The following CTNND1 variants were observed in gnomAD, a reference collection of about 807,000 sequenced individuals.
The protein encoded by CTNND1 is catenin delta 1.
CTNND1 carries 16 observed loss-of-function variants against 112.1 expected under a neutral mutation model. The ratio of observed to expected loss-of-function variants is 0.14; its 90% CI spans 0.10 to 0.22. The LOEUF is 0.22. Among genes scored for constraint, CTNND1 ranks in the 10% least tolerant of loss-of-function variants. The pLI is 1.00. For missense variants in CTNND1, 1,008 were observed against 1,257.0 expected (o/e 0.80, Z 3.00); for synonymous variants, 420 against 446.5 (o/e 0.94, Z 0.75).
intron 1 of CTNND1, among the ~76,000 whole-genome samples, chr11:57,768,463 G>T (rs1951689706): frequency 7.4e-6 from 1 of 135,958 alleles, no homozygotes; most frequent in Non-Finnish European, 1.5e-5. Flanking sequence ...GCGCGATCTC[G>T]GCTCACTGCA....
Position 57,802,214 on chromosome 11 carries a change from G to A in CTNND1, c.1420+18G>A. The A allele has an allele frequency of 6.3e-7, 1 of 1,580,528 alleles. No homozygotes were observed. Among genetic ancestry groups the A allele is most frequent in the Non-Finnish European group, 8.6e-7 (1 of 1,160,642 alleles). ...TATTACCGGTGAGTTCTAGGCCTAA[G>A]GAAAATTGCTAAGTCAGTGTTACTC... On this transcript the variant is annotated intron_variant, in intron 7 of 20. Transcript: ENST00000399050.
Position 57,818,239 on chromosome 11 carries a change from C to G in CTNND1, c.*1931C>G, listed in dbSNP as rs2064078562. 6.6e-6 allele frequency: 1 copy of G among 151,756 alleles called. No individual in the cohort carries two copies. The highest frequency in any genetic ancestry group is 1.5e-5 in the Non-Finnish European group (1 of 67,856). The allele number at this position is 151,756 out of a possible 1,614,324, so 9.4% of individuals were successfully genotyped here. On this transcript the variant is annotated 3_prime_UTR_variant, in exon 21 of 21. Transcript: ENST00000399050. ...GTGTGGGTAATAGAACAGCCGTGGG[C>G]TTTTGGGGACCTTTAACTTTTTTTT...
intron 1 of CTNND1, among the ~76,000 whole-genome samples, chr11:57,771,743 T>C (rs1591186334): frequency 6.6e-6 from 1 of 152,310 alleles, no homozygotes; most frequent in South Asian, 2.1e-4. Context: ...TTCTTGTAAC[T>C]TGAGGTAGCA....
chr11:57,809,415 A>G lies in CTNND1; in HGVS notation c.2384A>G (p.Lys795Arg). ...GCTGAGAACTTGGAGGCTGCCAAAA[A>G]GCTTCGAGAGACACAGGGTATTGAG... ...VIAENLEAAKKLRETQGIEKL... is the reference protein window; with the variant it reads ...VIAENLEAAKRLRETQGIEKL... The change falls in exon 15 of 21, where the codon AAG (lysine) becomes AGG (arginine). Residue 795 changes from lysine (K) to arginine (R), a missense_variant. Coordinates refer to ENST00000399050, the MANE Select transcript of CTNND1 (RefSeq NM_001085458.2). 6.2e-7 allele frequency: 1 copy of G among 1,613,836 alleles called. No individual in the cohort carries two copies.
intron 1 of CTNND1, among the ~76,000 whole-genome samples, chr11:57,765,460 A>ATTTTTTTTTTTTTTTTTTTTTTTTTT (rs5792061): frequency 9.5e-6 from 1 of 105,600 alleles, no homozygotes; most frequent in African/African-American, 3.5e-5. Context: ...TCCTCCCTTA[A>ATTTTTTTTTTTTTTTTTTTTTTTTTT]TTTTTTTTTT....
chr11:57,762,148 A>G (rs1949980595), intron 1 of CTNND1, 29 bp downstream of exon 1: 1 of 947,600 alleles, frequency 1.1e-6, no homozygotes, highest in African/African-American at 1.8e-5. Context: ...AAAACGGGAG[A>G]GTCTGTTATG....
intron 1 of CTNND1, among the ~76,000 whole-genome samples, chr11:57,786,339 C>T (rs1445251528): frequency 1.3e-5 from 2 of 152,120 alleles, no homozygotes; most frequent in Non-Finnish European, 1.5e-5. Flanking sequence ...CGAGACCATC[C>T]TGGCTGACAC....
rs1161264030 is a variant in CTNND1 at position 57,791,499 on chromosome 11, G to A, written c.21G>A (p.Glu7=). 6.4e-7 allele frequency: 1 copy of A among 1,560,386 alleles called. No homozygotes were observed. Among genetic ancestry groups the A allele is most frequent in the East Asian group, 2.4e-5 (1 of 41,546 alleles). The change falls in exon 3 of 21, where the codon GAG becomes GAA. Residue 7 remains glutamate, a synonymous_variant. Coordinates refer to ENST00000399050, the MANE Select transcript of CTNND1 (RefSeq NM_001085458.2). ...CCTTCATGGACGACTCAGAGGTGGA[G>A]TCGACCGCCAGCATCTTGGCCTCTG... MDDSEV[E]STASILASVK...
chr11:57,806,818 C>A lies in CTNND1; in HGVS notation c.1895-97C>A. The A allele has an allele frequency of 3.8e-6, 4 of 1,066,238 alleles. No homozygotes were observed. The South Asian group carries it at 4.2e-5, about 11-fold the overall frequency. The allele number at this position is 1,066,238 out of a possible 1,614,324, so 66.0% of individuals were successfully genotyped here. ...TTTCCCCTCGTGGTGCATCTGTGATCAAAAGGTTCTGACTGAAGGATGAAA... is the reference window on the plus strand; with the variant it reads ...TTTCCCCTCGTGGTGCATCTGTGATAAAAAGGTTCTGACTGAAGGATGAAA... On this transcript the variant is annotated intron_variant, in intron 11 of 20. Coordinates refer to ENST00000399050, the MANE Select transcript of CTNND1 (RefSeq NM_001085458.2).
intron 1 of CTNND1, among the ~76,000 whole-genome samples, chr11:57,768,386 C>CTTTTTT: frequency 2.5e-5 from 1 of 40,282 alleles, no homozygotes; most frequent in Non-Finnish European, 4.9e-5. Flanking sequence ...GGACATCATC[C>CTTTTTT]TTTTTTTTTT....
chr11:57,791,665 C>A lies in CTNND1; in HGVS notation c.187C>A (p.Arg63=), dbSNP rs932570817. ...PLMANGTLTR[R]HQNGRFVGDA... ...CATGGCCAACGGCACACTCACCCGC[C>A]GGCATCAGGTAACCCCTCTCTCCAT... is the stretch of plus-strand genomic sequence containing the variant. Residue 63 remains arginine (R), a synonymous_variant, in exon 3 of 21, where the codon CGG becomes AGG. Transcript: ENST00000399050. 1.1e-5 allele frequency: 18 copies of A among 1,569,554 alleles called. No homozygotes were observed. The highest frequency in any genetic ancestry group is 1.5e-5 in the Non-Finnish European group (17 of 1,153,698).
At chr11:57,779,449 T>G (rs535822490) in intron 1 of CTNND1, among the ~76,000 whole-genome samples, 16 of 152,342 alleles carry the variant, frequency 1.1e-4, no homozygotes, top group Admixed American at 2.6e-4. Context: ...CTTTTCTCAC[T>G]TTGTGGATTG....
intron 16 of CTNND1, among the ~76,000 whole-genome samples, chr11:57,810,737 C>G (rs539296824): frequency 2.6e-5 from 4 of 151,972 alleles, no homozygotes; most frequent in African/African-American, 9.6e-5. Flanking sequence ...GGTGGATTGC[C>G]TGAGCCTAGG....
intron 1 of CTNND1, among the ~76,000 whole-genome samples, chr11:57,762,874 C>G (rs1386982249): frequency 6.6e-6 from 1 of 152,130 alleles, no homozygotes; most frequent in African/African-American, 2.4e-5. Flanking sequence ...TAAGGAAATT[C>G]TAATCATGCT....
chr11:57,803,534 G>A (rs1267508818), intron 7 of CTNND1, 87 bp from the exon 8 acceptor site: 11 of 1,026,328 alleles, frequency 1.1e-5, no homozygotes, highest in African/African-American at 1.6e-5. Context: ...AGACTGAGAA[G>A]TGATACGATA....
chr11:57,805,538 C>T (rs747493406), intron 9 of CTNND1, among the ~76,000 whole-genome samples: 2 of 77,766 alleles, frequency 2.6e-5, no homozygotes, highest in South Asian at 7.0e-4. Context: ...CCACTGTGCC[C>T]GGCTTTTTTT....
At position 57,761,821 on chromosome 11, in the gene CTNND1, C is replaced by T. The variant is rs1414249876; in HGVS notation, c.-512C>T. 2 of 985,128 alleles carry T rather than the reference C, an allele frequency of 2.0e-6. No homozygotes were observed. The highest frequency in any genetic ancestry group is 3.5e-5 in the African/African-American group (2 of 57,156). The allele number at this position is 985,128 out of a possible 1,614,324, so 61.0% of individuals were successfully genotyped here. A position where few individuals can be genotyped will look rare whatever the true frequency, so the allele number is the denominator to read the frequency against. ...GCTGCCAGATCAGTTTGTCACCACC[C>T]AGGCTCCCTTGCCTTTGGCTGGGTG... On this transcript the variant is annotated 5_prime_UTR_variant, in exon 1 of 21. Coordinates refer to ENST00000399050, the MANE Select transcript of CTNND1 (RefSeq NM_001085458.2).
At chr11:57,767,208 G>C (rs1175725122) in intron 1 of CTNND1, among the ~76,000 whole-genome samples, 1 of 152,118 alleles carries the variant, frequency 6.6e-6, no homozygotes, top group Non-Finnish European at 1.5e-5. Context: ...CTGACTTCAT[G>C]ATCCGCCTGC....
intron 1 of CTNND1, among the ~76,000 whole-genome samples, chr11:57,767,081 C>T (rs976070036): frequency 6.6e-6 from 1 of 151,966 alleles, no homozygotes; most frequent in Non-Finnish European, 1.5e-5. Flanking sequence ...AAGCGATTCT[C>T]CTGCCTCAGC....
Sources: allele counts gnomAD v4.1 joint callset (sites outside exome capture counted in the v4.1 genomes callset), GRCh38; gene constraint gnomAD v4.1.1; transcripts MANE v1.5; gene names NCBI Gene and HGNC (gene_info 2026-07-23, HGNC 2026-07-21).